Variants in DAAM2 observed in about 807,000 individuals in gnomAD.
DAAM2 encodes the protein dishevelled associated activator of morphogenesis 2, also known as disheveled-associated activator of morphogenesis 2.
Under a neutral mutation model 120.7 loss-of-function variants are expected in DAAM2, and 39 were observed. That is an observed-to-expected ratio of 0.32 (90% CI 0.25 to 0.42). The LOEUF is 0.42. Among genes scored for constraint, DAAM2 ranks in the 10% least tolerant of loss-of-function variants. The pLI is 1.00. For synonymous variants in DAAM2, 488 were observed against 524.9 expected (o/e 0.93, Z 0.96); for missense variants, 1,283 against 1,401.7 (o/e 0.92, Z 1.35).
chr6:39,888,437 T>G, intron 16 of DAAM2: 1 of 364,738 alleles, frequency 2.7e-6, no homozygotes, highest in Non-Finnish European at 5.2e-6. Flanking sequence ...CTATCAGCTC[T>G]GATGGATTAT....
chr6:39,886,535 G>T, intron 15 of DAAM2: 1 of 398,946 alleles, frequency 2.5e-6, no homozygotes, highest in East Asian at 3.6e-5. Context: ...GAGAGGACTT[G>T]TCCATTCCAC....
chr6:39,893,775 T>C (rs777575193), intron 19 of DAAM2, among the ~76,000 whole-genome samples: 1 of 152,126 alleles, frequency 6.6e-6, no homozygotes, highest in African/African-American at 2.4e-5. Flanking sequence ...ATCAGATCAG[T>C]GTGTGTGACT....
At chr6:39,800,137 A>G (rs572671841) in intron 1 of DAAM2, among the ~76,000 whole-genome samples, 7 of 152,132 alleles carry the variant, frequency 4.6e-5, no homozygotes, top group Non-Finnish European at 8.8e-5. Flanking sequence ...TCAGTCAGCT[A>G]TTAAGTGTGG....
chr6:39,841,286 A>C (rs1197316265), intron 1 of DAAM2, among the ~76,000 whole-genome samples: 1 of 88,010 alleles, frequency 1.1e-5, no homozygotes, highest in South Asian at 5.2e-4. Context: ...GTTCCAGGGT[A>C]GAGGGAACTC....
At chr6:39,860,362 G>GC (rs1764162305) in intron 2 of DAAM2, among the ~76,000 whole-genome samples, 1 of 152,210 alleles carries the variant, frequency 6.6e-6, no homozygotes, top group African/African-American at 2.4e-5. Context: ...ACTCTGAGCA[G>GC]CCCCTTGTCC....
At chr6:39,855,940 A>G in intron 1 of DAAM2, 1 of 662,382 alleles carries the variant, frequency 1.5e-6, no homozygotes, top group Non-Finnish European at 1.9e-6. Flanking sequence ...GTCACATGGA[A>G]GTCACATTCA....
chr6:39,802,354 C>T (rs1026951034), intron 1 of DAAM2, among the ~76,000 whole-genome samples: 2 of 152,200 alleles, frequency 1.3e-5, no homozygotes, highest in African/African-American at 4.8e-5. Context: ...AGCTGTGTGA[C>T]CTTGCACAAG....
At chr6:39,858,087 G>C (rs2149286989) in intron 2 of DAAM2, among the ~76,000 whole-genome samples, 1 of 152,150 alleles carries the variant, frequency 6.6e-6, no homozygotes, top group Non-Finnish European at 1.5e-5. Flanking sequence ...GACAATGACA[G>C]AGGGTCTCCT....
chr6:39,831,374 A>T (rs1019266840), intron 1 of DAAM2, among the ~76,000 whole-genome samples: 7 of 152,050 alleles, frequency 4.6e-5, no homozygotes, highest in African/African-American at 1.5e-4. Flanking sequence ...CTTAGTGCTG[A>T]ATAGGTGCCT....
Position 39,808,100 on chromosome 6 carries a change from C to T in DAAM2, c.-57+15635C>T, listed in dbSNP as rs150796937. On this transcript the variant is annotated intron_variant, in intron 1 of 24. Transcript: ENST00000274867. ...CTTTTTTTTTTTTTTTTCTAATTTG[C>T]GGATTTGTTGGGATCATATTTTGAT... 4.8e-3 allele frequency among the ~76,000 whole-genome samples: 669 copies of T among 140,752 alleles called. 8 individuals are homozygous for T. The Middle Eastern group carries it at 0.076, about 16-fold the overall frequency. The allele number at this position is 140,752 out of a possible 152,430, so 92.3% of individuals were successfully genotyped here. A position where few individuals can be genotyped will look rare whatever the true frequency, so the allele number is the denominator to read the frequency against.
At chr6:39,839,115 A>AT (rs1763224470) in intron 1 of DAAM2, among the ~76,000 whole-genome samples, 1 of 149,118 alleles carries the variant, frequency 6.7e-6, no homozygotes, top group African/African-American at 2.5e-5. Flanking sequence ...TTTTGTTTTT[A>AT]TTTTTTTTAA....
intron 23 of DAAM2, 83 bp downstream of exon 23, chr6:39,900,291 C>G (rs1474518115): frequency 6.7e-7 from 1 of 1,497,076 alleles, no homozygotes; most frequent in African/African-American, 1.4e-5. Context: ...ACAGACAGCC[C>G]AGGAGGGACA....
At position 39,883,976 on chromosome 6, in the gene DAAM2, C is replaced by G; in HGVS notation, c.1860C>G (p.Gly620=). The part of the protein sequence containing the change: ...WVKLNEERVP[G]TVWNEIDDMQ... ...CTGAATTTTAGGAGCGTGTCCCTGG[C>G]ACCGTATGGAATGAGATTGATGACA... Residue 620 remains glycine (G), a synonymous_variant, in exon 15 of 25, where the codon GGC becomes GGG. Coordinates refer to ENST00000274867, the MANE Select transcript of DAAM2 (RefSeq NM_001201427.2). The G allele has an allele frequency of 6.2e-7, 1 of 1,612,428 alleles. No individual in the cohort carries two copies. The highest frequency in any genetic ancestry group is 8.5e-7 in the Non-Finnish European group (1 of 1,178,686).
intron 1 of DAAM2, among the ~76,000 whole-genome samples, chr6:39,796,548 T>C (rs529736635): frequency 1.2e-4 from 17 of 147,186 alleles, no homozygotes; most frequent in African/African-American, 4.3e-4. Context: ...AGCGTTATGC[T>C]AGCACTGGCC....
intron 1 of DAAM2, among the ~76,000 whole-genome samples, chr6:39,851,762 C>T (rs955974652): frequency 2.6e-5 from 4 of 152,188 alleles, no homozygotes; most frequent in East Asian, 3.9e-4. Context: ...TAGGATCGCG[C>T]AGGCAGTATG....
Position 39,856,467 on chromosome 6 carries a change from G to C in DAAM2, c.165G>C (p.Leu55=), listed in dbSNP as rs1458473828. ...AGCTCAACATCCGCTTTGCAGAGCTGGTGGTCAGTGAGAGGGTGGGGAGAG... is the reference window on the plus strand; with the variant it reads ...AGCTCAACATCCGCTTTGCAGAGCTCGTGGTCAGTGAGAGGGTGGGGAGAG... ...AEELNIRFAE[L]VDELDLTDKN... Residue 55 remains leucine (L), a synonymous_variant, in exon 2 of 25, where the codon CTG becomes CTC. Transcript: ENST00000274867. 1 of 1,453,634 alleles carries C rather than the reference G, an allele frequency of 6.9e-7. No homozygotes were observed. Among genetic ancestry groups the C allele is most frequent in the Non-Finnish European group, 9.1e-7 (1 of 1,097,976 alleles). 90.0% of individuals were successfully genotyped at this position (1,453,634 alleles called of 1,614,324 possible).
rs556078171 is a variant in DAAM2 at position 39,888,813 on chromosome 6, C to T, written c.2145+50C>T. The T allele has an allele frequency of 6.1e-5, 89 of 1,458,228 alleles. 1 individual carries two copies. In the South Asian group the frequency reaches 8.9e-4, roughly 15 times the overall value. The allele number at this position is 1,458,228 out of a possible 1,614,324, so 90.3% of individuals were successfully genotyped here. On this transcript the variant is annotated intron_variant, in intron 17 of 24. Coordinates refer to ENST00000274867, the MANE Select transcript of DAAM2 (RefSeq NM_001201427.2). The stretch of plus-strand genomic sequence containing the variant: ...GGGAACTGAACCCAGCGGGCAGCCA[C>T]GCCCCTTCCCAACAGCCCCCAGGAG...
chr6:39,830,850 A>G (rs1303476336), intron 1 of DAAM2, among the ~76,000 whole-genome samples: 1 of 152,178 alleles, frequency 6.6e-6, no homozygotes. Context: ...TGCAGTCCGG[A>G]CCAGCTTTGC....
At chr6:39,819,472 C>T (rs1485489675) in intron 1 of DAAM2, 2 of 152,198 alleles carry the variant, frequency 1.3e-5, no homozygotes, top group Non-Finnish European at 2.9e-5. Flanking sequence ...GCCCACAAAA[C>T]TAAACACTTA....
Sources: allele counts gnomAD v4.1 joint callset (sites outside exome capture counted in the v4.1 genomes callset), GRCh38; gene constraint gnomAD v4.1.1; transcripts MANE v1.5; gene names NCBI Gene and HGNC (gene_info 2026-07-23, HGNC 2026-07-21).